The following PRSS27 variants were observed in gnomAD, a reference collection of about 807,000 sequenced individuals.
PRSS27 encodes channel-activating protease 2.
A neutral mutation model predicts 32.0 loss-of-function variants in PRSS27; 25 were observed. The observed-to-expected ratio is 0.78, with a 90% CI of 0.57 to 1.09. The LOEUF (loss-of-function observed/expected upper bound fraction) is 1.09, where lower values mean the gene tolerates loss of function less well. Among genes scored for constraint, PRSS27 ranks in the 50% least tolerant of loss-of-function variants. The pLI, the probability that PRSS27 is intolerant of heterozygous loss-of-function variation, is 0.00. For missense variants in PRSS27, 401 were observed against 394.9 expected, an observed-to-expected ratio of 1.02 and a Z score of -0.13; for synonymous variants, 178 against 172.2, an observed-to-expected ratio of 1.03 and a Z score of -0.26.
Position 2,715,738 on chromosome 16 carries a change from C to A in PRSS27, c.216G>T (p.Thr72=). 1 of 1,561,990 alleles carries A rather than the reference C, an allele frequency of 6.4e-7. No individual in the cohort carries two copies. Residue 72 remains threonine (T), a synonymous_variant, in exon 3 of 6, where the codon ACG becomes ACT. Transcript: ENST00000302641. ...CTCACTTGCGGAAGCAGTGCGCAGC[C>A]GTCAGGACCCACTGCTCCGCGATGA... ...GSLIAEQWVL[T]AAHCFRNTSE...
chr16:2,718,916 A>G (rs916001678), intron 1 of PRSS27, among the ~76,000 whole-genome samples: 2 of 151,958 alleles, frequency 1.3e-5, no homozygotes, highest in Non-Finnish European at 2.9e-5. Context: ...TGAGCCCTTC[A>G]GGGTGGGCGC....
At chr16:2,713,962 A>T (rs561889739) in intron 4 of PRSS27, 103 bp downstream of exon 4, 35 of 1,274,542 alleles carry the variant, frequency 2.7e-5, no homozygotes, top group Non-Finnish European at 3.8e-5. Flanking sequence ...GTGTGTATGT[A>T]TTAATATAGC....
chr16:2,720,223 G>A lies in PRSS27; in HGVS notation c.-63C>T, dbSNP rs1199370790. The A allele has an allele frequency of 1.3e-5, 18 of 1,400,012 alleles. No homozygotes were observed. Among genetic ancestry groups the A allele is most frequent in the Non-Finnish European group, 6.9e-6 (7 of 1,013,910 alleles). The allele number at this position is 1,400,012 out of a possible 1,614,324, so 86.7% of individuals were successfully genotyped here. A position where few individuals can be genotyped will look rare whatever the true frequency, so the allele number is the denominator to read the frequency against. ...CGGTGGCAGAAGCGTTGGAGCACGA[G>A]CGAGGTGCAGGCTCCATGAAGTGGA... On this transcript the variant is annotated 5_prime_UTR_variant, in exon 1 of 6. Coordinates refer to ENST00000302641, the MANE Select transcript of PRSS27 (RefSeq NM_031948.5).
At position 2,714,358 on chromosome 16, in the gene PRSS27, C is replaced by T. The variant is rs575554926; in HGVS notation, c.237-22G>A. 35 of 1,607,280 alleles carry T rather than the reference C, an allele frequency of 2.2e-5. No homozygotes were observed. Among genetic ancestry groups the T allele is most frequent in the East Asian group, 8.9e-5 (4 of 44,848 alleles). ...GGTGCTGGCGGGAGAAACAGAGAGGCGGCGTGAGGCGGCCCCTCGTGTGGG... is the reference window on the plus strand; with the variant it reads ...GGTGCTGGCGGGAGAAACAGAGAGGTGGCGTGAGGCGGCCCCTCGTGTGGG... On this transcript the variant is annotated intron_variant, in intron 3 of 5. Coordinates refer to ENST00000302641, the MANE Select transcript of PRSS27 (RefSeq NM_031948.5). This position sits in a 1 kb window ranked among gnomAD's most constrained non-coding sequence, Gnocchi z 4.7.
intron 5 of PRSS27, 180 bp downstream of exon 5, chr16:2,713,349 T>G (rs573646082): frequency 3.0e-6 from 2 of 668,404 alleles, no homozygotes; most frequent in Non-Finnish European, 5.4e-6. Context: ...CCACCCTCCT[T>G]GGCCTCCCAA....
In PRSS27 at chr16:2,714,208, C is replaced by T; in HGVS notation, c.365G>A (p.Ser122Asn). 1 of 1,613,978 alleles carries T rather than the reference C, an allele frequency of 6.2e-7. No individual in the cohort carries two copies. Among genetic ancestry groups the T allele is most frequent in the Non-Finnish European group, 8.5e-7 (1 of 1,180,004 alleles). The change falls in exon 4 of 6, where the codon AGC becomes AAC. Residue 122 changes from serine to asparagine, a missense_variant. Coordinates refer to ENST00000302641, the MANE Select transcript of PRSS27 (RefSeq NM_031948.5). The surrounding 1 kb of genome is among the most constrained non-coding windows in gnomAD (Gnocchi z 4.7). ...SNPLYQGTASSADVALVELEA... is the reference protein window; with the variant it reads ...SNPLYQGTASNADVALVELEA... ...CAGCTCCACCAGGGCCACGTCAGCGCTGGAGGCCGTGCCCTGGTACAGGGG... is the reference window on the plus strand; with the variant it reads ...CAGCTCCACCAGGGCCACGTCAGCGTTGGAGGCCGTGCCCTGGTACAGGGG...
rs561889739 is a variant in PRSS27 at position 2,713,962 on chromosome 16, A to G, written c.508+103T>C. On this transcript the variant is annotated intron_variant, in intron 4 of 5. Coordinates refer to ENST00000302641, the MANE Select transcript of PRSS27 (RefSeq NM_031948.5). ...GTGTGAACAGAGACCGTGTGTATGT[A>G]TTAATATAGCAACAGGAAGATTGTG... 32 of 1,274,542 alleles carry G rather than the reference A, an allele frequency of 2.5e-5. No homozygotes were observed. The African/African-American group carries it at 3.3e-4, about 13-fold the overall frequency. 79.0% of individuals were successfully genotyped at this position (1,274,542 alleles called of 1,614,324 possible).
intron 3 of PRSS27, chr16:2,715,461 G>A (rs1005002524): frequency 4.2e-6 from 2 of 472,262 alleles, no homozygotes; most frequent in African/African-American, 2.1e-5. Flanking sequence ...ACAGGGAGTG[G>A]GTGAGTGGGT....
Position 2,712,919 on chromosome 16 carries a change from A to C in PRSS27, c.679-105T>G. The C allele has an allele frequency of 2.2e-6, 2 of 922,312 alleles. No individual in the cohort carries two copies. The highest frequency in any genetic ancestry group is 3.2e-6 in the Non-Finnish European group (2 of 634,792). The allele number at this position is 922,312 out of a possible 1,614,324, so 57.1% of individuals were successfully genotyped here. ...GCTCCGCAATGGATTCCTTCTCTCC[A>C]TCCCAGAGCCTCTCTGCCCGGCTCC... On this transcript the variant is annotated intron_variant, in intron 5 of 5. Coordinates refer to ENST00000302641, the MANE Select transcript of PRSS27 (RefSeq NM_031948.5). The surrounding 1 kb of genome is among the most constrained non-coding windows in gnomAD (Gnocchi z 4.6).
Position 2,712,689 on chromosome 16 carries a change from G to A in PRSS27, c.804C>T (p.His268=). ...RPGVYIRVTA[H]HNWIHRIIPK... ...GGATGATCCGATGGATCCAGTTGTG[G>A]TGGGCGGTGACACGGATGTAGACAC... The change falls in exon 6 of 6, where the codon CAC becomes CAT. Residue 268 remains histidine (H), a synonymous_variant. Transcript: ENST00000302641. The surrounding 1 kb of genome is among the most constrained non-coding windows in gnomAD (Gnocchi z 4.6). 6.3e-7 allele frequency: 1 copy of A among 1,599,184 alleles called. No individual in the cohort carries two copies. Among genetic ancestry groups the A allele is most frequent in the Non-Finnish European group, 8.5e-7 (1 of 1,172,898 alleles).
chr16:2,720,016 C>G, intron 1 of PRSS27, 99 bp downstream of exon 1: 1 of 1,152,100 alleles, frequency 8.7e-7, no homozygotes. Flanking sequence ...ACAGCCCCAG[C>G]CTGTCCCAGG....
At chr16:2,716,247 G>A (rs961959117) in intron 2 of PRSS27, 4 of 585,692 alleles carry the variant, frequency 6.8e-6, no homozygotes, top group East Asian at 5.6e-5. Context: ...GGCCAGTCAC[G>A]GTTCAGGGTG....
In PRSS27 at chr16:2,714,376, C is replaced by T. The variant is rs746866101; in HGVS notation, c.237-40G>A. 39 of 1,602,344 alleles carry T rather than the reference C, an allele frequency of 2.4e-5. No individual in the cohort carries two copies. The highest frequency in any genetic ancestry group is 2.0e-4 in the South Asian group (18 of 90,456). ...AGAGAGGCGGCGTGAGGCGGCCCCT[C>T]GTGTGGGGACAGGCCCGGGAGGGGC... On this transcript the variant is annotated intron_variant, in intron 3 of 5. Coordinates refer to ENST00000302641, the MANE Select transcript of PRSS27 (RefSeq NM_031948.5). The surrounding 1 kb of genome is among the most constrained non-coding windows in gnomAD (Gnocchi z 4.7).
At position 2,717,776 on chromosome 16, in the gene PRSS27, G is replaced by A. The variant is rs1229025934; in HGVS notation, c.47-1250C>T. 2 of 152,162 alleles carry A rather than the reference G, an allele frequency of 1.3e-5. No homozygotes were observed. Among genetic ancestry groups the A allele is most frequent in the Non-Finnish European group, 2.9e-5 (2 of 68,064 alleles). The allele number at this position is 152,162 out of a possible 1,614,324, so 9.4% of individuals were successfully genotyped here. A position where few individuals can be genotyped will look rare whatever the true frequency, so the allele number is the denominator to read the frequency against. Reference sequence around the variant, plus strand: ...TTCCTTTCTGTCTGCCTCACAGTCTGGGGGGCACCCTCCCCAACACCACTG... The same window carrying A: ...TTCCTTTCTGTCTGCCTCACAGTCTAGGGGGCACCCTCCCCAACACCACTG... On this transcript the variant is annotated intron_variant, in intron 1 of 5. Transcript: ENST00000302641. The surrounding 1 kb of genome is among the most constrained non-coding windows in gnomAD (Gnocchi z 4.1).
At position 2,712,624 on chromosome 16, in the gene PRSS27, T is replaced by C. The variant is rs1182811072; in HGVS notation, c.869A>G (p.Lys290Arg). The C allele has an allele frequency of 6.3e-7, 1 of 1,580,894 alleles. No homozygotes were observed. The highest frequency in any genetic ancestry group is 1.3e-5 in the African/African-American group (1 of 74,318). ...QFQPARLGGQ[K>R] is the part of the protein sequence containing the mutation. ...GGGCTCCTGGCCCCGGGGGTCTCAC[T>C]TCTGGCCGCCCAACCTCGCTGGCTG... is the stretch of plus-strand genomic sequence containing the variant. Residue 290 changes from lysine to arginine, a missense_variant, in exon 6 of 6, where the codon AAG becomes AGG. Physicochemically the swap from Lys to Arg is conservative, Grantham distance 26. Transcript: ENST00000302641. This position sits in a 1 kb window ranked among gnomAD's most constrained non-coding sequence, Gnocchi z 4.6.
In PRSS27 at chr16:2,714,018, C is replaced by A; in HGVS notation, c.508+47G>T. On this transcript the variant is annotated intron_variant, in intron 4 of 5. Coordinates refer to ENST00000302641, the MANE Select transcript of PRSS27 (RefSeq NM_031948.5). The surrounding 1 kb of genome is among the most constrained non-coding windows in gnomAD (Gnocchi z 4.7). Reference sequence around the variant, plus strand: ...AGAGTGGTCCCCAAGCCGTCCTGGGCCTTCTTGAGGCATATCCCCCATTCT... The same window carrying A: ...AGAGTGGTCCCCAAGCCGTCCTGGGACTTCTTGAGGCATATCCCCCATTCT... 6.4e-7 allele frequency: 1 copy of A among 1,553,438 alleles called. No individual in the cohort carries two copies. The highest frequency in any genetic ancestry group is 1.2e-5 in the South Asian group (1 of 81,476).
At chr16:2,713,480 G>A in intron 5 of PRSS27, 49 bp downstream of exon 5, 18 of 1,589,802 alleles carry the variant, frequency 1.1e-5, no homozygotes, top group Non-Finnish European at 1.6e-5. Context: ...ACCCTGCCCT[G>A]GGCCTGGCGG....
chr16:2,720,035 G>A (rs2067725489), intron 1 of PRSS27, 80 bp downstream of exon 1: 1 of 1,313,944 alleles, frequency 7.6e-7, no homozygotes, highest in African/African-American at 1.5e-5. Flanking sequence ...GGGAGTAGGG[G>A]GCTGAGCCGG....
At position 2,720,152 on chromosome 16, in the gene PRSS27, C is replaced by A. The variant is rs759650618; in HGVS notation, c.9G>T (p.Arg3=). Residue 3 remains arginine, a synonymous_variant, in exon 1 of 6, where the codon CGG becomes CGT. Coordinates refer to ENST00000302641, the MANE Select transcript of PRSS27 (RefSeq NM_031948.5). MR[R]PAAVPLLLLL... is the part of the protein sequence containing the mutation. Reference sequence around the variant, plus strand: ...GCAGCAGGAGCGGCACCGCCGCCGGCCGCCTCATGTCCTCAGGCCTGGCTG... The same window carrying A: ...GCAGCAGGAGCGGCACCGCCGCCGGACGCCTCATGTCCTCAGGCCTGGCTG... The A allele has an allele frequency of 6.2e-7, 1 of 1,600,534 alleles. No individual in the cohort carries two copies. Among genetic ancestry groups the A allele is most frequent in the Non-Finnish European group, 8.5e-7 (1 of 1,173,950 alleles).
Sources: allele counts gnomAD v4.1 joint callset (sites outside exome capture counted in the v4.1 genomes callset), GRCh38; gene constraint gnomAD v4.1.1; non-coding constraint Gnocchi (gnomAD v3.1); transcripts MANE v1.5; gene names NCBI Gene and HGNC (gene_info 2026-07-23, HGNC 2026-07-21).